The following CFAP157 variants were observed in gnomAD, a reference collection of about 807,000 sequenced individuals.
CFAP157 encodes the protein cilia- and flagella-associated protein 157.
In CFAP157, 43 loss-of-function variants were observed where a neutral mutation model predicts 57.8. The observed-to-expected ratio is 0.74, with a 90% CI of 0.58 to 0.96. The LOEUF (loss-of-function observed/expected upper bound fraction) is 0.96, where lower values mean the gene tolerates loss of function less well. CFAP157 is among the 40% of genes least tolerant of loss of function. The pLI is 0.00. For missense variants in CFAP157, 606 were observed against 655.3 expected (o/e 0.92, Z 0.82); for synonymous variants, 267 against 269.0 (o/e 0.99, Z 0.07).
chr9:127,713,680 T>G (rs1210387114), intron 8 of CFAP157, 154 bp from the exon 9 acceptor site: 4 of 555,156 alleles, frequency 7.2e-6, no homozygotes, highest in Non-Finnish European at 9.8e-6. Context: ...CTACTTTTTG[T>G]ATTTTTAGTA....
At position 127,710,601 on chromosome 9, in the gene CFAP157, G is replaced by A. The variant is rs202023603; in HGVS notation, c.434G>A (p.Gly145Glu). Residue 145 changes from glycine to glutamate, a missense_variant and splice_region_variant, in exon 3 of 9, where the codon GGG (glycine) becomes GAG (glutamate). Physicochemically the swap from Gly to Glu is moderately conservative, Grantham distance 98. Coordinates refer to ENST00000373295, the MANE Select transcript of CFAP157 (RefSeq NM_001012502.3). ...DQLTTENIILGGKLAALEEFR... is the reference protein window; with the variant it reads ...DQLTTENIILEGKLAALEEFR... ...GGGCCTTGTGCGCTGTGGCGGCCAG[G>A]GGGGAAGCTGGCAGCCCTGGAGGAG... 9 of 1,579,846 alleles carry A rather than the reference G, an allele frequency of 5.7e-6. No individual in the cohort carries two copies. Among genetic ancestry groups the A allele is most frequent in the African/African-American group, 2.7e-5 (2 of 74,346 alleles).
rs1842711271 is a variant in CFAP157, at chr9:127,709,349, AGT to A, written c.162-71_162-70del. On this transcript the variant is annotated intron_variant, in intron 1 of 8. Transcript: ENST00000373295. This position sits in a 1 kb window ranked among gnomAD's most constrained non-coding sequence, Gnocchi z 4.7. ...CTTTACGGGACAGGGAGTCCAGGAG[AGT>A]GGGCCCAGCTGCACCAGAGGCCTGG... The A allele has an allele frequency of 6.7e-7, 1 of 1,497,250 alleles. No individual in the cohort carries two copies. The highest frequency in any genetic ancestry group is 9.1e-7 in the Non-Finnish European group (1 of 1,102,276). The allele number at this position is 1,497,250 out of a possible 1,614,324, so 92.7% of individuals were successfully genotyped here.
Position 127,711,918 on chromosome 9 carries a change from CCTGCAG to C in CFAP157, c.961_966del (p.Leu321_Gln322del). ...TGCTGAGCCAGTTGGAGCAGAGATC[CCTGCAG>C]CTGCAGGTGGATAACCAGGCACTGA... On this transcript the variant is annotated inframe_deletion, in exon 5 of 9. Transcript: ENST00000373295. The C allele has an allele frequency of 6.2e-7, 1 of 1,605,406 alleles. No homozygotes were observed. The highest frequency in any genetic ancestry group is 1.1e-5 in the South Asian group (1 of 89,090).
At position 127,714,941 on chromosome 9, in the gene CFAP157, G is replaced by GGCCCCCCCCCCC; in HGVS notation, c.*1036_*1037insGCCCCCCCCCCC. On this transcript the variant is annotated 3_prime_UTR_variant, in exon 9 of 9. Coordinates refer to ENST00000373295, the MANE Select transcript of CFAP157 (RefSeq NM_001012502.3). ...CCGCGCCCCAACCCCCACCCCCTTG[G>GGCCCCCCCCCCC]CCCGCCCGCCCACCCCTGGCGCTCT... is the stretch of plus-strand genomic sequence containing the variant. The GGCCCCCCCCCCC allele has an allele frequency of 2.5e-5, 11 of 446,364 alleles. No individual in the cohort carries two copies. Among genetic ancestry groups the GGCCCCCCCCCCC allele is most frequent in the South Asian group, 6.3e-5 (3 of 47,488 alleles). 27.7% of individuals were successfully genotyped at this position (446,364 alleles called of 1,614,324 possible).
rs1842723146 is a variant in CFAP157 at position 127,709,779 on chromosome 9, A to G, written c.433+86A>G. The G allele has an allele frequency of 7.1e-7, 1 of 1,409,566 alleles. No individual in the cohort carries two copies. The highest frequency in any genetic ancestry group is 1.4e-5 in the African/African-American group (1 of 70,090). The allele number at this position is 1,409,566 out of a possible 1,614,324, so 87.3% of individuals were successfully genotyped here. ...GTTTCTCACCTGGGAAACAGGGATA[A>G]TAGCCACATGCTGCTTGGCACACAC... On this transcript the variant is annotated intron_variant, in intron 2 of 8. Coordinates refer to ENST00000373295, the MANE Select transcript of CFAP157 (RefSeq NM_001012502.3). This position sits in a 1 kb window ranked among gnomAD's most constrained non-coding sequence, Gnocchi z 4.7.
intron 4 of CFAP157, 127 bp from the exon 5 acceptor site, chr9:127,711,693 T>C (rs1205191368): frequency 2.5e-6 from 3 of 1,219,430 alleles, no homozygotes; most frequent in East Asian, 2.6e-5. Context: ...CCATAACTTA[T>C]GGAAGCAGAG....
chr9:127,712,401 G>A (rs1421876545), intron 6 of CFAP157, 52 bp downstream of exon 6: 1 of 1,598,422 alleles, frequency 6.3e-7, no homozygotes, highest in Non-Finnish European at 8.5e-7. Flanking sequence ...GTGAGCGCAA[G>A]ATGGAAGCTG....
chr9:127,707,650 TAA>T (rs1842677060), intron 1 of CFAP157, among the ~76,000 whole-genome samples: 2 of 152,172 alleles, frequency 1.3e-5, no homozygotes, highest in East Asian at 1.9e-4. Context: ...TCCCCAAATA[TAA>T]GTGGGGAAGG....
rs773501750 is a variant in CFAP157, at chr9:127,714,260, C to T, written c.*355C>T. The T allele has an allele frequency of 6.2e-7, 1 of 1,613,956 alleles. No homozygotes were observed. Among genetic ancestry groups the T allele is most frequent in the Non-Finnish European group, 8.5e-7 (1 of 1,179,958 alleles). On this transcript the variant is annotated 3_prime_UTR_variant, in exon 9 of 9. Transcript: ENST00000373295. ...CTCAGGGTGCGCCGGGCGCCCGATACCCACCCGCAGCCTTGGCATTGCCTG... is the reference window on the plus strand; with the variant it reads ...CTCAGGGTGCGCCGGGCGCCCGATATCCACCCGCAGCCTTGGCATTGCCTG...
Position 127,714,925 on chromosome 9 carries a change from A to AAACCCC in CFAP157, c.*1021_*1022insACCCCA. The AAACCCC allele has an allele frequency of 3.2e-6, 1 of 313,268 alleles. No individual in the cohort carries two copies. The highest frequency in any genetic ancestry group is 5.7e-6 in the Non-Finnish European group (1 of 175,366). 19.4% of individuals were successfully genotyped at this position (313,268 alleles called of 1,614,324 possible). ...TGCTCCCCTCTGGCCCCCGCGCCCC[A>AAACCCC]ACCCCCACCCCCTTGGCCCGCCCGC... On this transcript the variant is annotated 3_prime_UTR_variant, in exon 9 of 9. Transcript: ENST00000373295.
Position 127,712,294 on chromosome 9 carries a change from C to T in CFAP157, c.1082C>T (p.Ala361Val), listed in dbSNP as rs897684671. 5 of 1,613,950 alleles carry T rather than the reference C, an allele frequency of 3.1e-6. No individual in the cohort carries two copies. Among genetic ancestry groups the T allele is most frequent in the Non-Finnish European group, 4.2e-6 (5 of 1,180,024 alleles). Residue 361 changes from alanine to valine, a missense_variant, in exon 6 of 9, where the codon GCC (alanine) becomes GTC (valine). Physicochemically the swap from Ala to Val is moderately conservative, Grantham distance 64. Coordinates refer to ENST00000373295, the MANE Select transcript of CFAP157 (RefSeq NM_001012502.3). The stretch of plus-strand genomic sequence containing the variant: ...CTGGCTAATGAGCAGAAGGTTCGGG[C>T]CAGCCTGGAGGCGGCTCTGGTCCAG... Reference protein sequence around the residue: ...QELANEQKVRASLEAALVQAT... With the variant: ...QELANEQKVRVSLEAALVQAT...
chr9:127,711,921 G>A lies in CFAP157; in HGVS notation c.957G>A (p.Leu319=), dbSNP rs748474169. The A allele has an allele frequency of 1.9e-6, 3 of 1,605,746 alleles. No homozygotes were observed. The highest frequency in any genetic ancestry group is 2.2e-5 in the South Asian group (2 of 89,200). ...TGAGCCAGTTGGAGCAGAGATCCCTGCAGCTGCAGGTGGATAACCAGGCAC... is the reference window on the plus strand; with the variant it reads ...TGAGCCAGTTGGAGCAGAGATCCCTACAGCTGCAGGTGGATAACCAGGCAC... The part of the protein sequence containing the change: ...LLLSQLEQRS[L]QLQVDNQALK... Residue 319 remains leucine (L), a synonymous_variant, in exon 5 of 9, where the codon CTG becomes CTA. Transcript: ENST00000373295.
chr9:127,710,075 C>A (rs917418847), intron 2 of CFAP157, among the ~76,000 whole-genome samples: 3 of 152,104 alleles, frequency 2.0e-5, no homozygotes, highest in African/African-American at 7.2e-5. Context: ...GAGCTTGAGA[C>A]AAGCCTAGGC....
At chr9:127,710,144 G>A (rs1842729440) in intron 2 of CFAP157, among the ~76,000 whole-genome samples, 1 of 152,020 alleles carries the variant, frequency 6.6e-6, no homozygotes, top group South Asian at 2.1e-4. Context: ...GTGTGGTGGT[G>A]CACATATGTA....
Position 127,709,352 on chromosome 9 carries a change from G to A in CFAP157, c.162-70G>A, listed in dbSNP as rs1842711425. ...TACGGGACAGGGAGTCCAGGAGAGTGGGCCCAGCTGCACCAGAGGCCTGGC... is the reference window on the plus strand; with the variant it reads ...TACGGGACAGGGAGTCCAGGAGAGTAGGCCCAGCTGCACCAGAGGCCTGGC... On this transcript the variant is annotated intron_variant, in intron 1 of 8. Coordinates refer to ENST00000373295, the MANE Select transcript of CFAP157 (RefSeq NM_001012502.3). The surrounding 1 kb of genome is among the most constrained non-coding windows in gnomAD (Gnocchi z 4.7). The A allele has an allele frequency of 2.0e-6, 3 of 1,514,258 alleles. No individual in the cohort carries two copies. The highest frequency in any genetic ancestry group is 1.4e-5 in the African/African-American group (1 of 72,592). 93.8% of individuals were successfully genotyped at this position (1,514,258 alleles called of 1,614,324 possible).
chr9:127,715,240 C>A lies in CFAP157; in HGVS notation c.*1335C>A. ...ACTGAGGCCCAACAACTCTCGCCACCCCCGATCTCACAGCGTCCCGTGGGC... is the reference window on the plus strand; with the variant it reads ...ACTGAGGCCCAACAACTCTCGCCACACCCGATCTCACAGCGTCCCGTGGGC... On this transcript the variant is annotated 3_prime_UTR_variant, in exon 9 of 9. Coordinates refer to ENST00000373295, the MANE Select transcript of CFAP157 (RefSeq NM_001012502.3). The surrounding 1 kb of genome is among the most constrained non-coding windows in gnomAD (Gnocchi z 5.8). 6.6e-7 allele frequency: 1 copy of A among 1,512,918 alleles called. No individual in the cohort carries two copies. The highest frequency in any genetic ancestry group is 8.9e-7 in the Non-Finnish European group (1 of 1,126,538). 93.7% of individuals were successfully genotyped at this position (1,512,918 alleles called of 1,614,324 possible).
chr9:127,710,745 A>C lies in CFAP157; in HGVS notation c.578A>C (p.Asp193Ala). Residue 193 changes from aspartate (D) to alanine (A), a missense_variant, in exon 3 of 9, where the codon GAC becomes GCC. Coordinates refer to ENST00000373295, the MANE Select transcript of CFAP157 (RefSeq NM_001012502.3). ...AACCTGGAGAAGAAGTCGGTGCTGG[A>C]CAAGGACAGGTGGGCAAGCGGGGCA... is the stretch of plus-strand genomic sequence containing the variant. ...AYNLEKKSVL[D>A]KDRLRKEIIQ... 6.4e-7 allele frequency: 1 copy of C among 1,565,608 alleles called. No individual in the cohort carries two copies. Among genetic ancestry groups the C allele is most frequent in the South Asian group, 1.2e-5 (1 of 85,072 alleles).
chr9:127,709,380 G>A lies in CFAP157; in HGVS notation c.162-42G>A. On this transcript the variant is annotated intron_variant, in intron 1 of 8. Transcript: ENST00000373295. The surrounding 1 kb of genome is among the most constrained non-coding windows in gnomAD (Gnocchi z 4.7). The stretch of plus-strand genomic sequence containing the variant: ...CCCAGCTGCACCAGAGGCCTGGCTT[G>A]CCCAGCCTGACCCCTGGACCACGGC... 2 of 1,594,250 alleles carry A rather than the reference G, an allele frequency of 1.3e-6. No homozygotes were observed. Among genetic ancestry groups the A allele is most frequent in the Non-Finnish European group, 1.7e-6 (2 of 1,169,804 alleles).
At position 127,711,937 on chromosome 9, in the gene CFAP157, A is replaced by T. The variant is rs1259078704; in HGVS notation, c.973A>T (p.Asn325Tyr). ...EQRSLQLQVD[N>Y]QALKSQRDQL... ...GAGATCCCTGCAGCTGCAGGTGGAT[A>T]ACCAGGCACTGAAGTGCGTATGGCC... Residue 325 changes from asparagine to tyrosine, a missense_variant, in exon 5 of 9, where the codon AAC becomes TAC. Transcript: ENST00000373295. 6.2e-7 allele frequency: 1 copy of T among 1,606,302 alleles called. No homozygotes were observed. Among genetic ancestry groups the T allele is most frequent in the Non-Finnish European group, 8.5e-7 (1 of 1,177,734 alleles).
Sources: gnomAD v4.1 joint callset for allele counts (sites outside exome capture counted in the v4.1 genomes callset) on GRCh38, gnomAD v4.1.1 for gene constraint, Gnocchi (gnomAD v3.1) non-coding constraint, MANE v1.5 for transcripts, NCBI Gene and HGNC (gene_info 2026-07-23, HGNC 2026-07-21) for gene names.